The following MATK variants were observed in gnomAD, a reference collection of about 807,000 sequenced individuals.
MATK encodes the protein megakaryocyte-associated tyrosine kinase.
In MATK, 41 loss-of-function variants were observed where a neutral mutation model predicts 59.8. The ratio of observed to expected loss-of-function variants is 0.69; its 90% confidence interval spans 0.53 to 0.89. The LOEUF (loss-of-function observed/expected upper bound fraction) is 0.89, where lower values mean the gene tolerates loss of function less well. MATK is among the 40% of genes least tolerant of loss of function. The probability of loss-of-function intolerance (pLI) is 0.00; values close to 1 mark genes in which losing one functional copy is unlikely to be tolerated. For missense variants in MATK, 593 were observed against 719.6 expected, an observed-to-expected ratio of 0.82 and a Z score of 2.01; for synonymous variants, 308 against 306.1, an observed-to-expected ratio of 1.01 and a Z score of -0.06.
intron 8 of MATK, among the ~76,000 whole-genome samples, chr19:3,780,430 A>G (rs1450141047): frequency 6.7e-6 from 1 of 149,616 alleles, no homozygotes; most frequent in Non-Finnish European, 1.5e-5. Context: ...ATTTTTAATT[A>G]ATTAATTATT....
Position 3,778,275 on chromosome 19 carries a change from G to T in MATK, c.1432C>A (p.Leu478Met). Residue 478 changes from leucine to methionine, a missense_variant, in exon 14 of 14, where the codon CTG becomes ATG. Transcript: ENST00000310132. ...RPPFRKLAEK[L>M]ARELRSAGAP... ...CCTGCACTGCGTAGCTCCCGGGCCA[G>T]CTTCTCGGCCAGTTTGCGGAAGGGT... The T allele has an allele frequency of 6.4e-7, 1 of 1,574,764 alleles. No individual in the cohort carries two copies.
chr19:3,777,984 CCGTCTTTAT>C lies in MATK; in HGVS notation c.*190_*198del. ...CACAGGCGCCTAGAGTCCTTAGAAT[CCGTCTTTAT>C]CGGGCGATCATCCTTCGCAGGTCTG... On this transcript the variant is annotated 3_prime_UTR_variant, in exon 14 of 14. Coordinates refer to ENST00000310132, the MANE Select transcript of MATK (RefSeq NM_139355.3). 1 of 666,264 alleles carries C rather than the reference CCGTCTTTAT, an allele frequency of 1.5e-6. No individual in the cohort carries two copies. The highest frequency in any genetic ancestry group is 2.3e-6 in the Non-Finnish European group (1 of 428,026). The allele number at this position is 666,264 out of a possible 1,614,324, so 41.3% of individuals were successfully genotyped here.
chr19:3,798,677 ATT>A (rs36103363), intron 1 of MATK, among the ~76,000 whole-genome samples: 2,069 of 144,430 alleles, frequency 0.014, 37 homozygotes, highest in African/African-American at 0.047. Context: ...AGCCTGGCTA[ATT>A]TTTTTTTTTT....
chr19:3,797,427 G>C (rs2037606103), intron 1 of MATK, among the ~76,000 whole-genome samples: 1 of 151,404 alleles, frequency 6.6e-6, no homozygotes, highest in Non-Finnish European at 1.5e-5. Flanking sequence ...CTCCCAAGTA[G>C]CTGGGACTAC....
At chr19:3,798,821 T>A (rs2037618092) in intron 1 of MATK, among the ~76,000 whole-genome samples, 1 of 151,628 alleles carries the variant, frequency 6.6e-6, no homozygotes, top group Non-Finnish European at 1.5e-5. Flanking sequence ...CTGTTTTTTT[T>A]TTAAGGCAGG....
chr19:3,779,525 C>A lies in MATK; in HGVS notation c.927+8G>T. On this transcript the variant is annotated splice_region_variant and intron_variant, in intron 10 of 13. Transcript: ENST00000310132. ...GTGGGCCCCCTCCCCGCCTGGGCCC[C>A]GCCCCACCTTGCTCACGTGCTCCAT... The A allele has an allele frequency of 6.2e-7, 1 of 1,610,998 alleles. No homozygotes were observed. The highest frequency in any genetic ancestry group is 1.1e-5 in the South Asian group (1 of 90,964).
At chr19:3,796,308 T>A (rs1242986290) in intron 1 of MATK, among the ~76,000 whole-genome samples, 2 of 152,132 alleles carry the variant, frequency 1.3e-5, no homozygotes, top group Admixed American at 1.3e-4. Context: ...TTTCAGGTAT[T>A]TACCTCCATA....
At chr19:3,780,690 C>T (rs2037388171) in intron 8 of MATK, among the ~76,000 whole-genome samples, 1 of 151,984 alleles carries the variant, frequency 6.6e-6, no homozygotes, top group South Asian at 2.1e-4. Context: ...CCTCAGCCTC[C>T]CAAAGTGCTG....
chr19:3,779,833 G>C, intron 8 of MATK, 36 bp from the exon 9 acceptor site: 1 of 1,279,872 alleles, frequency 7.8e-7, no homozygotes. Flanking sequence ...GTGAGATCAG[G>C]ACCCCCAACA....
intron 7 of MATK, among the ~76,000 whole-genome samples, chr19:3,782,231 C>A (rs538682247): frequency 4.6e-5 from 7 of 152,324 alleles, no homozygotes; most frequent in Non-Finnish European, 8.8e-5. Context: ...TTCTCCCAAG[C>A]ACTCCTGTGT....
intron 6 of MATK, among the ~76,000 whole-genome samples, 186 bp downstream of exon 6, chr19:3,783,628 T>A (rs922153505): frequency 6.6e-6 from 1 of 152,054 alleles, no homozygotes; most frequent in South Asian, 2.1e-4. Flanking sequence ...CATCTCCACA[T>A]TGGGGAAGCA....
chr19:3,780,593 A>AT (rs753906037), intron 8 of MATK, among the ~76,000 whole-genome samples: 1,645 of 122,206 alleles, frequency 0.013, 24 homozygotes, highest in African/African-American at 0.035. Context: ...CGCCCGGCTA[A>AT]TTTTTTTTTT....
chr19:3,780,575 C>T (rs1022014871), intron 8 of MATK, among the ~76,000 whole-genome samples: 3 of 148,652 alleles, frequency 2.0e-5, no homozygotes, highest in East Asian at 4.0e-4. Flanking sequence ...TACAGGCGCC[C>T]ACCACCACGC....
intron 1 of MATK, among the ~76,000 whole-genome samples, chr19:3,794,975 CTT>C (rs532158792): frequency 6.0e-4 from 65 of 107,868 alleles, no homozygotes; most frequent in African/African-American, 2.1e-3. Context: ...TTTTCTTTTG[CTT>C]TTTTTTTTTT....
upstream of MATK, among the ~76,000 whole-genome samples, chr19:3,789,767 C>T (rs989978735): frequency 2.7e-5 from 4 of 147,658 alleles, no homozygotes; most frequent in East Asian, 2.0e-4. Context: ...CTCTGTTACC[C>T]GGGCTAGAGT....
At position 3,779,725 on chromosome 19, in the gene MATK, G is replaced by T; in HGVS notation, c.815C>A (p.Ala272Asp). The T allele has an allele frequency of 6.2e-7, 1 of 1,613,124 alleles. No individual in the cohort carries two copies. Among genetic ancestry groups the T allele is most frequent in the Non-Finnish European group, 8.5e-7 (1 of 1,179,964 alleles). Reference protein sequence around the residue: ...KNIKCDVTAQAFLDETAVMTK... With the variant: ...KNIKCDVTAQDFLDETAVMTK... ...CATGACGGCCGTCTCGTCCAGGAAG[G>T]CCTGGGCTGTCACATCACACTTGAT... is the stretch of plus-strand genomic sequence containing the variant. Residue 272 changes from alanine to aspartate, a missense_variant, in exon 9 of 14, where the codon GCC becomes GAC. By Grantham distance (126) the Ala-to-Asp change is moderately radical. Transcript: ENST00000310132.
upstream of MATK, among the ~76,000 whole-genome samples, chr19:3,790,942 C>T (rs2037535281): frequency 1.3e-5 from 2 of 152,138 alleles, no homozygotes; most frequent in African/African-American, 2.4e-5. Flanking sequence ...AGAAGGAGGC[C>T]AGCCTGGAGG....
chr19:3,783,274 T>A, intron 6 of MATK, 55 bp from the exon 7 acceptor site: 1 of 819,102 alleles, frequency 1.2e-6, no homozygotes, highest in Non-Finnish European at 1.8e-6. Flanking sequence ...AACCCCAGCA[T>A]CCTGTTCCGT....
At chr19:3,791,672 C>G (rs921256225) in intron 1 of MATK, among the ~76,000 whole-genome samples, 1 of 150,166 alleles carries the variant, frequency 6.7e-6, no homozygotes, top group African/African-American at 2.4e-5. Flanking sequence ...GAGTGTTTTT[C>G]TATTTCTTTC....
Sources: gnomAD v4.1 joint callset for allele counts (sites outside exome capture counted in the v4.1 genomes callset) on GRCh38, gnomAD v4.1.1 for gene constraint, MANE v1.5 for transcripts, NCBI Gene and HGNC (gene_info 2026-07-23, HGNC 2026-07-21) for gene names.